DPP6: variants seen among roughly 807,000 people sequenced by gnomAD.
The protein encoded by DPP6 is A-type potassium channel modulatory protein DPP6.
In DPP6, 69 loss-of-function variants were observed where a neutral mutation model predicts 122.6. That is an observed-to-expected ratio of 0.56 (90% CI 0.46 to 0.69). The LOEUF (loss-of-function observed/expected upper bound fraction) is 0.69, where lower values mean the gene tolerates loss of function less well. Among genes scored for constraint, DPP6 ranks in the 30% least tolerant of loss-of-function variants. The probability of loss-of-function intolerance (pLI) is 0.00; values close to 1 mark genes in which losing one functional copy is unlikely to be tolerated. For missense variants in DPP6, 928 were observed against 1,116.9 expected, an observed-to-expected ratio of 0.83 and a Z score of 2.41; for synonymous variants, 418 against 433.1, an observed-to-expected ratio of 0.97 and a Z score of 0.43.
At chr7:154,575,476 GGT>G (rs1215632221) in intron 5 of DPP6, among the ~76,000 whole-genome samples, 1,701 of 30,524 alleles carry the variant, frequency 0.056, 29 homozygotes, top group South Asian at 0.14. Context: ...GTATGTGTGT[GGT>G]GTGTGTGTGG....
chr7:153,985,342 A>G (rs1474062175), intron 1 of DPP6, among the ~76,000 whole-genome samples: 1 of 152,338 alleles, frequency 6.6e-6, no homozygotes, highest in East Asian at 1.9e-4. Flanking sequence ...CCACTCCCCT[A>G]AGAGCAACAG....
At chr7:154,677,515 A>C (rs987845673) in intron 7 of DPP6, among the ~76,000 whole-genome samples, 1 of 152,236 alleles carries the variant, frequency 6.6e-6, no homozygotes, top group Non-Finnish European at 1.5e-5. Flanking sequence ...CAGTAATTCA[A>C]CCTAAGATAT....
the DPP6 span, among the ~76,000 whole-genome samples, chr7:153,790,049 ATAAGT>A: frequency 1.3e-5 from 2 of 152,180 alleles, no homozygotes; most frequent in Non-Finnish European, 2.9e-5. Flanking sequence ...TGAACTAAAA[ATAAGT>A]TAACTACAAA....
intron 5 of DPP6, among the ~76,000 whole-genome samples, chr7:154,615,402 G>A (rs532498432): frequency 9.2e-5 from 14 of 152,072 alleles, no homozygotes; most frequent in South Asian, 8.3e-4. Context: ...TTTATTCACC[G>A]TACAATACTT....
At chr7:154,518,520 C>T (rs1293068883) in intron 3 of DPP6, among the ~76,000 whole-genome samples, 1 of 152,312 alleles carries the variant, frequency 6.6e-6, no homozygotes, top group African/African-American at 2.4e-5. Flanking sequence ...ATTATTAAAG[C>T]AGCCCCTTGC....
intron 1 of DPP6, among the ~76,000 whole-genome samples, chr7:154,209,287 T>C (rs1799614378): frequency 6.6e-6 from 1 of 152,194 alleles, no homozygotes; most frequent in Admixed American, 6.5e-5. Flanking sequence ...TTATCCTCCT[T>C]CTCTTTCCAC....
rs564129123 is a variant in DPP6 at position 154,443,544 on chromosome 7, G to A, written c.244-2670G>A. Among the ~76,000 whole-genome samples the A allele has an allele frequency of 2.1e-5, 3 of 146,132 alleles. No individual in the cohort carries two copies. The East Asian group carries it at 6.2e-4, about 30-fold the overall frequency. The stretch of plus-strand genomic sequence containing the variant: ...GATGGATGGATGGATGGATGGATGA[G>A]TGAATGGATGGACGGATGTGGATGA... On this transcript the variant is annotated intron_variant, in intron 1 of 25. Coordinates refer to ENST00000377770, the MANE Select transcript of DPP6 (RefSeq NM_130797.4).
chr7:154,308,723 G>A (rs1806587715), intron 1 of DPP6, among the ~76,000 whole-genome samples: 1 of 151,940 alleles, frequency 6.6e-6, no homozygotes, highest in Non-Finnish European at 1.5e-5. Context: ...CCAAATTAAG[G>A]GATTTTTTTT....
At chr7:154,416,085 G>A (rs1483438630) in intron 1 of DPP6, among the ~76,000 whole-genome samples, 1 of 152,040 alleles carries the variant, frequency 6.6e-6, no homozygotes, top group Non-Finnish European at 1.5e-5. Flanking sequence ...ACAATTCATA[G>A]GTTTTAAATT....
At chr7:154,490,379 G>A (rs369716410) in intron 3 of DPP6, among the ~76,000 whole-genome samples, 2 of 152,170 alleles carry the variant, frequency 1.3e-5, no homozygotes, top group African/African-American at 2.4e-5. Flanking sequence ...TCCAAAGCAC[G>A]CAGCCCTCCT....
In DPP6 at chr7:154,760,741, G is replaced by T. The variant is rs904637808; in HGVS notation, c.884-8676G>T. ...CCAGAAGTTCTGGAAGCTCCCTCAG[G>T]TGCCCACAACACAAATGAAGAGGAA... On this transcript the variant is annotated intron_variant, in intron 8 of 25. Coordinates refer to ENST00000377770, the MANE Select transcript of DPP6 (RefSeq NM_130797.4). The surrounding 1 kb of genome is among the most constrained non-coding windows in gnomAD (Gnocchi z 4.5). Among the ~76,000 whole-genome samples the T allele has an allele frequency of 1.3e-5, 2 of 151,930 alleles. No individual in the cohort carries two copies.
Position 154,403,279 on chromosome 7 carries a change from G to A in DPP6, c.244-42935G>A, listed in dbSNP as rs2151190708. Among the ~76,000 whole-genome samples the A allele has an allele frequency of 6.6e-6, 1 of 152,342 alleles. No homozygotes were observed. Among genetic ancestry groups the A allele is most frequent in the African/African-American group, 2.4e-5 (1 of 41,584 alleles). On this transcript the variant is annotated intron_variant, in intron 1 of 25. Transcript: ENST00000377770. This position sits in a 1 kb window ranked among gnomAD's most constrained non-coding sequence, Gnocchi z 4.1. ...ATGTCTGCCTCTGACTATGCAGGAG[G>A]TTGCTGTGTGATAGAGTGCGGGGGA...
At chr7:153,750,219 A>G in the DPP6 span, among the ~76,000 whole-genome samples, 1 of 152,202 alleles carries the variant, frequency 6.6e-6, no homozygotes, top group Admixed American at 6.5e-5. Context: ...AATATCGAGC[A>G]TTTTCTTCTA....
chr7:154,031,444 A>G (rs530544725), intron 1 of DPP6, among the ~76,000 whole-genome samples: 1 of 152,006 alleles, frequency 6.6e-6, no homozygotes, highest in African/African-American at 2.4e-5. Flanking sequence ...GCCCTTCAGC[A>G]TGTCTGTAGG....
At chr7:154,666,212 T>C (rs186796116) in intron 6 of DPP6, among the ~76,000 whole-genome samples, 1 of 150,510 alleles carries the variant, frequency 6.6e-6, no homozygotes, top group African/African-American at 2.4e-5. Flanking sequence ...CACATATACA[T>C]ACATACATAC....
the DPP6 span, among the ~76,000 whole-genome samples, chr7:153,862,089 C>G: frequency 2.0e-5 from 3 of 152,276 alleles, no homozygotes; most frequent in African/African-American, 7.2e-5. Context: ...GGGCCTGACT[C>G]CAGGCTCCCA....
At chr7:154,691,447 G>A (rs951454573) in intron 7 of DPP6, among the ~76,000 whole-genome samples, 5 of 152,068 alleles carry the variant, frequency 3.3e-5, no homozygotes, top group African/African-American at 4.8e-5. Context: ...AAGAATACTG[G>A]TGTTCCATTT....
At chr7:154,436,782 C>T (rs925890059) in intron 1 of DPP6, among the ~76,000 whole-genome samples, 7 of 152,164 alleles carry the variant, frequency 4.6e-5, no homozygotes, top group Non-Finnish European at 8.8e-5. Context: ...TCTCTCTCCC[C>T]GTTGAGTTAT....
chr7:154,720,343 T>C (rs1397939074), intron 7 of DPP6, among the ~76,000 whole-genome samples: 1 of 152,092 alleles, frequency 6.6e-6, no homozygotes. Context: ...CCTGCGAGTG[T>C]CCCCATCACT....
Sources: allele counts gnomAD v4.1 joint callset (sites outside exome capture counted in the v4.1 genomes callset), GRCh38; gene constraint gnomAD v4.1.1; non-coding constraint Gnocchi (gnomAD v3.1); transcripts MANE v1.5; gene names NCBI Gene and HGNC (gene_info 2026-07-23, HGNC 2026-07-21).